Variants in LRBA observed in about 807,000 individuals in gnomAD.
The protein encoded by LRBA is LPS responsive beige-like anchor protein.
In LRBA, 176 loss-of-function variants were observed where a neutral mutation model predicts 330.0. That is an observed-to-expected ratio of 0.53 (90% CI 0.47 to 0.60). The LOEUF (loss-of-function observed/expected upper bound fraction) is 0.60. LRBA is among the 20% of genes least tolerant of loss of function. LRBA has a pLI of 0.00. For missense variants in LRBA, 3,259 were observed against 3,444.8 expected, an observed-to-expected ratio of 0.95 and a Z score of 1.35; for synonymous variants, 1,230 against 1,193.0, an observed-to-expected ratio of 1.03 and a Z score of -0.64.
intron 16 of LRBA, among the ~76,000 whole-genome samples, chr4:150,894,777 T>C (rs887193489): frequency 1.1e-4 from 16 of 152,210 alleles, no homozygotes; most frequent in African/African-American, 3.6e-4. Flanking sequence ...GTTTATCTCA[T>C]ATAAAGTACT....
intron 31 of LRBA, 56 bp downstream of exon 31, chr4:150,817,068 G>T (rs566704593): frequency 2.6e-6 from 4 of 1,543,194 alleles, no homozygotes; most frequent in African/African-American, 1.4e-5. Flanking sequence ...AATCTTAAGC[G>T]TTGCTAAAAT....
chr4:150,931,590 T>C (rs1288671862), intron 2 of LRBA, among the ~76,000 whole-genome samples: 1 of 145,116 alleles, frequency 6.9e-6, no homozygotes, highest in East Asian at 2.0e-4. Flanking sequence ...CCAGACTCTG[T>C]CTCCATATTC....
intron 2 of LRBA, among the ~76,000 whole-genome samples, chr4:150,973,560 A>C (rs528040079): frequency 2.0e-5 from 3 of 152,364 alleles, no homozygotes; most frequent in Admixed American, 2.0e-4. Flanking sequence ...TAATGTATAG[A>C]ATCAAATGTG....
At chr4:150,550,497 A>G (rs1377489813) in intron 40 of LRBA, among the ~76,000 whole-genome samples, 1 of 152,200 alleles carries the variant, frequency 6.6e-6, no homozygotes, top group Non-Finnish European at 1.5e-5. Flanking sequence ...TAAAATTAAG[A>G]TACCCAACTA....
chr4:150,922,451 A>G (rs1393354287), intron 4 of LRBA, among the ~76,000 whole-genome samples: 1 of 151,042 alleles, frequency 6.6e-6, no homozygotes, highest in African/African-American at 2.4e-5. Flanking sequence ...AAAGAAATAA[A>G]TTATCAGCAT....
At chr4:150,577,225 A>C (rs1196810392) in intron 40 of LRBA, among the ~76,000 whole-genome samples, 1 of 152,002 alleles carries the variant, frequency 6.6e-6, no homozygotes, top group Non-Finnish European at 1.5e-5. Flanking sequence ...GACTGTCATT[A>C]ACACATCTTA....
intron 9 of LRBA, among the ~76,000 whole-genome samples, chr4:150,910,579 T>TA (rs1731876031): frequency 6.6e-6 from 1 of 152,196 alleles, no homozygotes; most frequent in Non-Finnish European, 1.5e-5. Flanking sequence ...AGCCTTGTAA[T>TA]AAATTTTGAA....
chr4:150,943,323 G>A (rs76405343), intron 2 of LRBA, among the ~76,000 whole-genome samples: 1 of 152,264 alleles, frequency 6.6e-6, no homozygotes, highest in East Asian at 1.9e-4. Flanking sequence ...GTCTCACTAT[G>A]TTGGCCAGGC....
chr4:150,682,099 G>T (rs1783103898), intron 37 of LRBA, among the ~76,000 whole-genome samples: 1 of 152,112 alleles, frequency 6.6e-6, no homozygotes, highest in African/African-American at 2.4e-5. Flanking sequence ...AACCTTTTGG[G>T]TGAAAAGAAT....
intron 37 of LRBA, among the ~76,000 whole-genome samples, chr4:150,605,341 A>T (rs999335369): frequency 1.3e-5 from 2 of 152,214 alleles, no homozygotes; most frequent in Middle Eastern, 3.2e-3. Context: ...GTCAAAACAC[A>T]ATCATATTAG....
intron 37 of LRBA, among the ~76,000 whole-genome samples, chr4:150,683,061 T>C (rs1314164172): frequency 6.6e-6 from 1 of 152,090 alleles, no homozygotes; most frequent in African/African-American, 2.4e-5. Flanking sequence ...ATCATCACAG[T>C]CCTGAAATTT....
intron 40 of LRBA, among the ~76,000 whole-genome samples, chr4:150,507,021 G>T (rs1447528521): frequency 6.6e-6 from 1 of 151,406 alleles, no homozygotes; most frequent in Non-Finnish European, 1.5e-5. Flanking sequence ...AACTTACAAG[G>T]GATGTGAAGG....
intron 37 of LRBA, among the ~76,000 whole-genome samples, chr4:150,656,500 C>T (rs1780201954): frequency 6.6e-6 from 1 of 152,132 alleles, no homozygotes; most frequent in Non-Finnish European, 1.5e-5. Flanking sequence ...ACACAGTTGG[C>T]GTAAACTGTC....
At chr4:150,550,935 G>A (rs1348522738) in intron 40 of LRBA, among the ~76,000 whole-genome samples, 1 of 152,114 alleles carries the variant, frequency 6.6e-6, no homozygotes, top group African/African-American at 2.4e-5. Flanking sequence ...AACTGCTATG[G>A]TTTGACCATA....
intron 47 of LRBA, 60 bp from the exon 48 acceptor site, chr4:150,350,219 C>A: frequency 8.0e-7 from 1 of 1,250,716 alleles, no homozygotes. Context: ...TATAGAGAGA[C>A]ATTTAGAGCA....
At chr4:150,926,232 G>A (rs1469376264) in intron 4 of LRBA, among the ~76,000 whole-genome samples, 1 of 152,170 alleles carries the variant, frequency 6.6e-6, no homozygotes, top group Non-Finnish European at 1.5e-5. Flanking sequence ...AGAGCTTTAA[G>A]TTAAAGAATT....
intron 2 of LRBA, among the ~76,000 whole-genome samples, chr4:150,985,746 C>T (rs1161730289): frequency 2.0e-5 from 3 of 152,236 alleles, no homozygotes; most frequent in East Asian, 3.9e-4. Context: ...GATCCGCCCG[C>T]CTCGGCCTCC....
chr4:150,703,541 T>C (rs563843840), intron 36 of LRBA, among the ~76,000 whole-genome samples: 1 of 152,346 alleles, frequency 6.6e-6, no homozygotes, highest in Admixed American at 6.5e-5. Context: ...ATGTAATATT[T>C]GTTTCCCTCA....
chr4:150,507,125 T>A (rs1413045631), intron 40 of LRBA, among the ~76,000 whole-genome samples: 2 of 151,486 alleles, frequency 1.3e-5, no homozygotes, highest in Non-Finnish European at 2.9e-5. Context: ...GTGGGAAGAA[T>A]CAATATCATG....
Sources: allele counts gnomAD v4.1 joint callset (sites outside exome capture counted in the v4.1 genomes callset), GRCh38; gene constraint gnomAD v4.1.1; transcripts MANE v1.5; gene names NCBI Gene and HGNC (gene_info 2026-07-23, HGNC 2026-07-21).